Variants in CCDC171 observed in about 807,000 individuals in gnomAD.
CCDC171 encodes the protein coiled-coil domain-containing protein 171.
CCDC171 carries 177 observed loss-of-function variants against 168.2 expected under a neutral mutation model. The observed-to-expected ratio is 1.05, with a 90% CI of 0.93 to 1.19. The LOEUF (loss-of-function observed/expected upper bound fraction) is 1.19, where lower values mean the gene tolerates loss of function less well. CCDC171 is among the 50% of genes most tolerant of loss of function. CCDC171 has a pLI of 0.00. For synonymous variants in CCDC171, 687 were observed against 540.8 expected (o/e 1.27, Z -3.75); for missense variants, 1,991 against 1,539.0 (o/e 1.29, Z -4.91).
intron 3 of CCDC171, among the ~76,000 whole-genome samples, chr9:16,011,746 A>G (rs1832874889): frequency 6.6e-6 from 1 of 152,230 alleles, no homozygotes; most frequent in Non-Finnish European, 1.5e-5. Context: ...TAAGATATAG[A>G]CGTTGCTTTC....
intron 23 of CCDC171, among the ~76,000 whole-genome samples, chr9:15,867,305 A>T (rs1010142129): frequency 6.6e-6 from 1 of 152,068 alleles, no homozygotes; most frequent in African/African-American, 2.4e-5. Flanking sequence ...AATAATATAT[A>T]GTTATTTTTG....
In CCDC171 at chr9:15,911,042, A is replaced by G. The variant is rs1368022160; in HGVS notation, c.3601-9228A>G. ...TGTCTTTATAGTAGCATGATTTATA[A>G]TCCTTTGGGTATATACCCAGTAATG... On this transcript the variant is annotated intron_variant, in intron 24 of 25. Transcript: ENST00000380701. Among the ~76,000 whole-genome samples the G allele has an allele frequency of 2.0e-5, 3 of 152,192 alleles. No individual in the cohort carries two copies. The East Asian group carries it at 5.8e-4, about 29-fold the overall frequency.
At chr9:16,091,812 GGT>G in the CCDC171 span, among the ~76,000 whole-genome samples, 1 of 152,200 alleles carries the variant, frequency 6.6e-6, no homozygotes, top group African/African-American at 2.4e-5. Flanking sequence ...TGCTCTAATA[GGT>G]TTCAATGACA....
chr9:15,674,023 C>T (rs2049323959), intron 9 of CCDC171, among the ~76,000 whole-genome samples: 1 of 152,142 alleles, frequency 6.6e-6, no homozygotes, highest in Admixed American at 6.6e-5. Context: ...GCCTCAATTT[C>T]AGAACCTATT....
At chr9:16,031,624 A>G (rs745357725) in intron 6 of CCDC171, among the ~76,000 whole-genome samples, 3 of 152,224 alleles carry the variant, frequency 2.0e-5, no homozygotes, top group Non-Finnish European at 2.9e-5. Context: ...TGGCCAGTTA[A>G]GCTAATCACA....
chr9:15,742,430 TCTTC>T (rs1462348571), intron 16 of CCDC171, among the ~76,000 whole-genome samples: 1 of 152,250 alleles, frequency 6.6e-6, no homozygotes, highest in Non-Finnish European at 1.5e-5. Context: ...GTTTTCTGCC[TCTTC>T]CTTTTCCTCA....
downstream of CCDC171, among the ~76,000 whole-genome samples, chr9:16,064,133 A>C (rs966137461): frequency 6.6e-6 from 1 of 152,162 alleles, no homozygotes; most frequent in African/African-American, 2.4e-5. Context: ...CCTAAATGTA[A>C]CCCGTTTTCA....
chr9:15,663,263 C>G (rs761619938), intron 8 of CCDC171, among the ~76,000 whole-genome samples: 2 of 152,090 alleles, frequency 1.3e-5, no homozygotes, highest in Non-Finnish European at 2.9e-5. Context: ...GGTTCTAAAG[C>G]CCATTTTCTG....
chr9:15,937,832 A>T (rs1295139101), intron 25 of CCDC171, among the ~76,000 whole-genome samples: 1 of 151,960 alleles, frequency 6.6e-6, no homozygotes, highest in Non-Finnish European at 1.5e-5. Flanking sequence ...GGGTAAACTC[A>T]TTGAGTATTT....
chr9:15,634,100 C>A (rs990700612), intron 7 of CCDC171, among the ~76,000 whole-genome samples: 1 of 152,008 alleles, frequency 6.6e-6, no homozygotes, highest in African/African-American at 2.4e-5. Flanking sequence ...GGGTGCAGCG[C>A]ACCAGCATGG....
downstream of CCDC171, among the ~76,000 whole-genome samples, chr9:15,977,265 C>G (rs1453502100): frequency 1.3e-5 from 2 of 152,114 alleles, no homozygotes; most frequent in African/African-American, 4.8e-5. Flanking sequence ...TTGTTTTAAA[C>G]AAATCAGAAT....
chr9:15,886,353 TAAGTA>T (rs1386584957), intron 24 of CCDC171: 1 of 152,068 alleles, frequency 6.6e-6, no homozygotes, highest in Non-Finnish European at 1.5e-5. Flanking sequence ...AAGTGGCCAA[TAAGTA>T]AAAAGGTGTT....
At chr9:15,607,929 A>G (rs1371330402) in intron 6 of CCDC171, among the ~76,000 whole-genome samples, 1 of 152,204 alleles carries the variant, frequency 6.6e-6, no homozygotes. Context: ...TGGTTAATTT[A>G]TAAAGAAAAA....
chr9:15,976,941 T>C (rs1335662893), downstream of CCDC171, among the ~76,000 whole-genome samples: 1 of 152,118 alleles, frequency 6.6e-6, no homozygotes. Flanking sequence ...ACCTAAAATA[T>C]TGAAGATTTA....
At chr9:15,630,106 G>A (rs910581935) in intron 7 of CCDC171, among the ~76,000 whole-genome samples, 26 of 152,302 alleles carry the variant, frequency 1.7e-4, no homozygotes, top group African/African-American at 6.3e-4. Flanking sequence ...AGGCTAGGAA[G>A]AAACTGCATC....
intron 23 of CCDC171, among the ~76,000 whole-genome samples, chr9:15,851,868 T>C (rs2061143442): frequency 6.6e-6 from 1 of 151,972 alleles, no homozygotes; most frequent in Admixed American, 6.6e-5. Context: ...TCATTTAGCA[T>C]AATTTATTCA....
At position 15,661,069 on chromosome 9, in the gene CCDC171, A is replaced by G. The variant is rs987467002; in HGVS notation, c.915+3850A>G. 1.1e-4 allele frequency among the ~76,000 whole-genome samples: 16 copies of G among 152,294 alleles called. No individual in the cohort carries two copies. In the East Asian group the frequency reaches 2.1e-3, roughly 20 times the overall value. ...GCCGAGGCGGGTGGATCATGAGGTC[A>G]GGAGATCGAGACCATCCTGGCTAAC... On this transcript the variant is annotated intron_variant, in intron 8 of 25. Transcript: ENST00000380701.
At chr9:15,747,944 A>G (rs2055419949) in intron 18 of CCDC171, among the ~76,000 whole-genome samples, 1 of 152,090 alleles carries the variant, frequency 6.6e-6, no homozygotes, top group South Asian at 2.1e-4. Flanking sequence ...GTAATAACAA[A>G]CTTCTCCGAG....
intron 6 of CCDC171, among the ~76,000 whole-genome samples, chr9:15,611,045 C>G (rs60452740): frequency 6.6e-6 from 1 of 152,056 alleles, no homozygotes; most frequent in African/African-American, 2.4e-5. Flanking sequence ...GGTTTAGCAC[C>G]ATTCCTCTTG....
Sources: gnomAD v4.1 joint callset for allele counts (sites outside exome capture counted in the v4.1 genomes callset) on GRCh38, gnomAD v4.1.1 for gene constraint, MANE v1.5 for transcripts, NCBI Gene and HGNC (gene_info 2026-07-23, HGNC 2026-07-21) for gene names.